The following PRKCD variants were observed in gnomAD, a reference collection of about 807,000 sequenced individuals.
PRKCD encodes protein kinase C delta type.
PRKCD carries 20 observed loss-of-function variants against 82.2 expected under a neutral mutation model. The observed-to-expected ratio is 0.24, with a 90% CI of 0.17 to 0.35. The LOEUF (loss-of-function observed/expected upper bound fraction) is 0.35. Ranked by LOEUF, PRKCD falls within the 10% of genes least tolerant of loss-of-function variation. The pLI, the probability that PRKCD is intolerant of heterozygous loss-of-function variation, is 1.00. For synonymous variants in PRKCD, 317 were observed against 337.0 expected (o/e 0.94, Z 0.65); for missense variants, 607 against 899.0 (o/e 0.68, Z 4.15).
At chr3:53,167,476 A>C (rs1702872537) in intron 2 of PRKCD, among the ~76,000 whole-genome samples, 1 of 152,206 alleles carries the variant, frequency 6.6e-6, no homozygotes, top group South Asian at 2.1e-4. Flanking sequence ...GCTGCATCTT[A>C]GTGACTAGGC....
chr3:53,175,951 G>A (rs868964701), intron 2 of PRKCD, among the ~76,000 whole-genome samples: 3 of 152,302 alleles, frequency 2.0e-5, no homozygotes, highest in South Asian at 4.1e-4. Flanking sequence ...CCAGGCCCAC[G>A]CAGCTTGCTT....
At chr3:53,189,762 A>C in intron 17 of PRKCD, 111 bp from the exon 18 acceptor site, 4 of 1,485,166 alleles carry the variant, frequency 2.7e-6, no homozygotes, top group Non-Finnish European at 3.7e-6. Flanking sequence ...CCCCAGGCTG[A>C]CTGGGGCTGG....
Position 53,188,805 on chromosome 3 carries a change from G to T in PRKCD, c.1501G>T (p.Gly501Trp), listed in dbSNP as rs782726901. Residue 501 changes from glycine (G) to tryptophan (W), a missense_variant, in exon 16 of 19, where the codon GGG (glycine) becomes TGG (tryptophan). Physicochemically the swap from Gly to Trp is radical, Grantham distance 184 (BLOSUM62 -2). Transcript: ENST00000330452. ...TGGGATGTGCAAAGAGAACATATTCGGGGAGAGCCGGGCCAGCACCTTCTG... is the reference window on the plus strand; with the variant it reads ...TGGGATGTGCAAAGAGAACATATTCTGGGAGAGCCGGGCCAGCACCTTCTG... ...DFGMCKENIF[G>W]ESRASTFCGT... is the part of the protein sequence containing the mutation. 6.2e-7 allele frequency: 1 copy of T among 1,614,156 alleles called. No individual in the cohort carries two copies.
Position 53,186,215 on chromosome 3 carries a change from G to C in PRKCD, c.1135G>C (p.Ala379Pro). The stretch of plus-strand genomic sequence containing the variant: ...CAGAGGAGAGTACTTTGCCATCAAG[G>C]CCCTCAAGAAGGATGTGGTCCTGAT... ...KGRGEYFAIK[A>P]LKKDVVLIDD... Residue 379 changes from alanine (A) to proline (P), a missense_variant, in exon 13 of 19, where the codon GCC (alanine) becomes CCC (proline). Physicochemically the swap from Ala to Pro is conservative, Grantham distance 27. Coordinates refer to ENST00000330452, the MANE Select transcript of PRKCD (RefSeq NM_006254.4). 1 of 1,614,144 alleles carries C rather than the reference G, an allele frequency of 6.2e-7. No homozygotes were observed. The highest frequency in any genetic ancestry group is 8.5e-7 in the Non-Finnish European group (1 of 1,180,002).
At chr3:53,168,153 C>A (rs994493876) in intron 2 of PRKCD, among the ~76,000 whole-genome samples, 10 of 152,222 alleles carry the variant, frequency 6.6e-5, no homozygotes, top group African/African-American at 2.4e-4. Flanking sequence ...AGCCCTCCTG[C>A]CAGCCTGCTT....
At chr3:53,189,002 C>T in intron 16 of PRKCD, 56 bp from the exon 17 acceptor site, 1 of 1,574,082 alleles carries the variant, frequency 6.4e-7, no homozygotes, top group East Asian at 2.3e-5. Flanking sequence ...GCCCAGGGGC[C>T]CCTCTCAGCC....
rs782129463 is a variant in PRKCD, at chr3:53,185,930, A to G, written c.989A>G (p.Asn330Ser). ...TGVAGEDMQD[N>S]SGTYGKIWEG... ...GGAGGTGCCATCTCTCGGGCAGACA[A>G]CAGTGGGACCTACGGCAAGATCTGG... The change falls in exon 12 of 19, where the codon AAC becomes AGC. Residue 330 changes from asparagine to serine, a missense_variant. Asn to Ser is a conservative substitution (Grantham distance 46). Coordinates refer to ENST00000330452, the MANE Select transcript of PRKCD (RefSeq NM_006254.4). 1.9e-6 allele frequency: 3 copies of G among 1,614,064 alleles called. No homozygotes were observed. The highest frequency in any genetic ancestry group is 1.7e-5 in the Admixed American group (1 of 60,010).
At chr3:53,188,467 C>T (rs41275533) in intron 15 of PRKCD, among the ~76,000 whole-genome samples, 1 of 152,324 alleles carries the variant, frequency 6.6e-6, no homozygotes, top group Non-Finnish European at 1.5e-5. Context: ...CGAGTGACAT[C>T]ACCTGTTTGA....
intron 7 of PRKCD, 56 bp from the exon 8 acceptor site, chr3:53,183,065 G>C (rs1006231589): frequency 7.2e-5 from 113 of 1,576,700 alleles, no homozygotes; most frequent in Non-Finnish European, 9.6e-5. Context: ...CCAGCTCATA[G>C]ACTCTGCCCC....
chr3:53,183,230 C>T (rs1703521062), intron 8 of PRKCD, 24 bp downstream of exon 8: 1 of 1,610,736 alleles, frequency 6.2e-7, no homozygotes, highest in East Asian at 2.2e-5. Context: ...CGGGGCAGGG[C>T]TGGGGATCTG....
chr3:53,164,094 C>G (rs535307135), intron 1 of PRKCD, among the ~76,000 whole-genome samples: 10 of 152,146 alleles, frequency 6.6e-5, no homozygotes, highest in African/African-American at 4.8e-5. Flanking sequence ...ATCTGGGGAG[C>G]AGAATCTTTC....
intron 2 of PRKCD, among the ~76,000 whole-genome samples, chr3:53,168,460 G>T (rs956695295): frequency 6.6e-6 from 1 of 152,184 alleles, no homozygotes; most frequent in African/African-American, 2.4e-5. Flanking sequence ...GGATGGGCCT[G>T]GGCGGGAAGT....
intron 2 of PRKCD, among the ~76,000 whole-genome samples, chr3:53,174,738 G>GT (rs1363565691): frequency 1.3e-5 from 2 of 152,176 alleles, no homozygotes; most frequent in African/African-American, 4.8e-5. Flanking sequence ...CCATGCCCTG[G>GT]TTTTAGTCTT....
chr3:53,179,335 G>A lies in PRKCD; in HGVS notation c.116-242G>A, dbSNP rs1386276023. 31 of 625,144 alleles carry A rather than the reference G, an allele frequency of 5.0e-5. No homozygotes were observed. The East Asian group carries it at 8.3e-4, about 17-fold the overall frequency. The allele number at this position is 625,144 out of a possible 1,614,324, so 38.7% of individuals were successfully genotyped here. On this transcript the variant is annotated intron_variant, in intron 3 of 18. Transcript: ENST00000330452. ...CCTGCATGAATGCATAAGGGCAGGC[G>A]ACATTTAAATGGAGCTGGAGCAAGA...
chr3:53,189,894 A>G lies in PRKCD; in HGVS notation c.1765A>G (p.Lys589Glu). ...GCAGCTCTTTGAAAGGGAACCAACC[A>G]AGAGGCTGGGAGTGACCGGAAACAT... ...LEKLFEREPT[K>E]RLGVTGNIKI... The change falls in exon 18 of 19, where the codon AAG (lysine) becomes GAG (glutamate). Residue 589 changes from lysine to glutamate, a missense_variant. Physicochemically the swap from Lys to Glu is moderately conservative, Grantham distance 56. Transcript: ENST00000330452. 1 of 1,614,224 alleles carries G rather than the reference A, an allele frequency of 6.2e-7. No individual in the cohort carries two copies. Among genetic ancestry groups the G allele is most frequent in the Non-Finnish European group, 8.5e-7 (1 of 1,180,034 alleles).
intron 15 of PRKCD, among the ~76,000 whole-genome samples, 191 bp downstream of exon 15, chr3:53,187,593 C>T (rs1402670547): frequency 7.9e-5 from 12 of 152,190 alleles, no homozygotes; most frequent in East Asian, 1.9e-4. Context: ...GAGGCTGGCT[C>T]AGCTTCAGGA....
In PRKCD at chr3:53,184,894, C is replaced by T; in HGVS notation, c.808C>T (p.His270Tyr). ...KCEDCGMNVH[H>Y]KCREKVANLC... ...CCCAGACTGCGGCATGAATGTGCAC[C>T]ATAAATGCCGGGAGAAGGTGGCCAA... Residue 270 changes from histidine (H) to tyrosine (Y), a missense_variant, in exon 10 of 19, where the codon CAT (histidine) becomes TAT (tyrosine). His to Tyr is a moderately conservative substitution (Grantham distance 83). Coordinates refer to ENST00000330452, the MANE Select transcript of PRKCD (RefSeq NM_006254.4). 6.2e-7 allele frequency: 1 copy of T among 1,613,982 alleles called. No homozygotes were observed. Among genetic ancestry groups the T allele is most frequent in the Non-Finnish European group, 8.5e-7 (1 of 1,179,910 alleles).
rs1484411212 is a variant in PRKCD, at chr3:53,169,120, CA to C, written c.-20+3906del. On this transcript the variant is annotated intron_variant, in intron 2 of 18. Coordinates refer to ENST00000330452, the MANE Select transcript of PRKCD (RefSeq NM_006254.4). The surrounding 1 kb of genome is among the most constrained non-coding windows in gnomAD (Gnocchi z 4.7). ...CGGGATGGCCTTATTGTGTGGGGAG[CA>C]GGGGGAGCTGTCTGGCCTGAGCCAC... is the stretch of plus-strand genomic sequence containing the variant. 6.6e-6 allele frequency among the ~76,000 whole-genome samples: 1 copy of C among 151,876 alleles called. No individual in the cohort carries two copies. Among genetic ancestry groups the C allele is most frequent in the African/African-American group, 2.4e-5 (1 of 41,328 alleles).
At chr3:53,176,256 C>T (rs782442788) in intron 2 of PRKCD, among the ~76,000 whole-genome samples, 63 of 151,694 alleles carry the variant, frequency 4.2e-4, no homozygotes, top group Non-Finnish European at 4.7e-4. Flanking sequence ...GAGCCAGGGC[C>T]GGGCAAGGAA....
Sources: gnomAD v4.1 joint callset for allele counts (sites outside exome capture counted in the v4.1 genomes callset) on GRCh38, gnomAD v4.1.1 for gene constraint, Gnocchi (gnomAD v3.1) non-coding constraint, MANE v1.5 for transcripts, NCBI Gene and HGNC (gene_info 2026-07-23, HGNC 2026-07-21) for gene names.